SLC33A2: variants seen among roughly 807,000 people sequenced by gnomAD.
The protein encoded by SLC33A2 is solute carrier family 33 member 2.
At chr8:144,510,345 C>A in the SLC33A2 span, 1 of 1,611,066 alleles carries the variant, frequency 6.2e-7, no homozygotes, top group Non-Finnish European at 8.5e-7. Flanking sequence ...GCTCATGCCC[C>A]CCCCACCACC....
At chr8:144,510,647 C>T in the SLC33A2 span, 74 of 1,561,206 alleles carry the variant, frequency 4.7e-5, no homozygotes, top group Non-Finnish European at 6.3e-5. Context: ...CCTCGGGGGC[C>T]TAGCCTGTCA....
chr8:144,509,754 G>A, the SLC33A2 span: 19 of 1,565,234 alleles, frequency 1.2e-5, no homozygotes, highest in South Asian at 3.5e-5. Flanking sequence ...CGTGCAGGTG[G>A]TCGCGTACAA....
chr8:144,510,824 A>C, the SLC33A2 span: 4 of 1,611,262 alleles, frequency 2.5e-6, no homozygotes, highest in Non-Finnish European at 3.4e-6. Context: ...TGTCTGCAGC[A>C]CTTCTTGGGA....
the SLC33A2 span, chr8:144,510,765 T>C: frequency 6.2e-7 from 1 of 1,609,988 alleles, no homozygotes; most frequent in Non-Finnish European, 8.5e-7. Flanking sequence ...GCCAGGAGCC[T>C]GGGGCACTGC....
the SLC33A2 span, chr8:144,510,116 C>T: frequency 1.4e-6 from 2 of 1,407,250 alleles, no homozygotes; most frequent in South Asian, 1.3e-5. Context: ...CACGCTCTTT[C>T]TGGGGTATGA....
chr8:144,509,739 A>G, the SLC33A2 span: 2 of 1,567,954 alleles, frequency 1.3e-6, no homozygotes, highest in Non-Finnish European at 1.7e-6. Flanking sequence ...GGGGCCGGGC[A>G]ATACCGTGCA....
At chr8:144,510,666 T>G in the SLC33A2 span, 1 of 1,559,874 alleles carries the variant, frequency 6.4e-7, no homozygotes, top group Non-Finnish European at 8.7e-7. Flanking sequence ...CAGACTGCCT[T>G]GGTCTTCCAC....
the SLC33A2 span, chr8:144,509,439 T>C: frequency 6.5e-7 from 1 of 1,533,058 alleles, no homozygotes; most frequent in South Asian, 1.2e-5. Flanking sequence ...CGGCGGCCTC[T>C]CGCTGACGCG....
chr8:144,510,347 C>A, the SLC33A2 span: 15 of 1,611,084 alleles, frequency 9.3e-6, no homozygotes, highest in Admixed American at 5.0e-5. Flanking sequence ...TCATGCCCCC[C>A]CCACCACCCA....
At chr8:144,510,908 G>T in the SLC33A2 span, 1 of 1,603,936 alleles carries the variant, frequency 6.2e-7, no homozygotes. Flanking sequence ...CTGCAGGTGA[G>T]TAGATGTAGC....
chr8:144,510,443 G>A, the SLC33A2 span: 1 of 1,612,916 alleles, frequency 6.2e-7, no homozygotes, highest in East Asian at 2.2e-5. Context: ...GTGGAATGGT[G>A]TGGGTGCTGT....
At chr8:144,510,966 T>TGACCGTGACCCC in the SLC33A2 span, 1 of 1,599,320 alleles carries the variant, frequency 6.3e-7, no homozygotes, top group Non-Finnish European at 8.5e-7. Flanking sequence ...GGCCTGACCT[T>TGACCGTGACCCC]GACCGTGACC....
the SLC33A2 span, chr8:144,509,802 C>A: frequency 3.9e-6 from 6 of 1,544,598 alleles, no homozygotes; most frequent in Non-Finnish European, 4.3e-6. Context: ...GCTGCTGGCG[C>A]TGCTGCCCAC....
chr8:144,510,770 C>T, the SLC33A2 span: 14 of 1,610,352 alleles, frequency 8.7e-6, no homozygotes, highest in South Asian at 1.2e-4. Flanking sequence ...GAGCCTGGGG[C>T]ACTGCTGACT....
chr8:144,510,336 C>T, the SLC33A2 span: 1 of 1,610,112 alleles, frequency 6.2e-7, no homozygotes, highest in Admixed American at 1.7e-5. Flanking sequence ...ACCTCCCGTG[C>T]TCATGCCCCC....
At chr8:144,509,829 C>CCT in the SLC33A2 span, 1 of 1,538,210 alleles carries the variant, frequency 6.5e-7, no homozygotes, top group South Asian at 1.2e-5. Flanking sequence ...GTGGCCGCAA[C>CCT]TCTTTCTGCT....
the SLC33A2 span, chr8:144,511,126 G>T: frequency 1.9e-6 from 3 of 1,610,582 alleles, no homozygotes; most frequent in Non-Finnish European, 2.5e-6. Context: ...TGCCTTTCCC[G>T]TTCTGTACCT....
chr8:144,509,493 C>A, the SLC33A2 span: 1 of 1,534,418 alleles, frequency 6.5e-7, no homozygotes. Flanking sequence ...GCTGCTCAAG[C>A]TGGCTTGGGC....
chr8:144,510,823 C>G, the SLC33A2 span: 1 of 1,611,156 alleles, frequency 6.2e-7, no homozygotes, highest in Non-Finnish European at 8.5e-7. Flanking sequence ...ATGTCTGCAG[C>G]ACTTCTTGGG....
Sources: allele counts gnomAD v4.1 joint callset, GRCh38; gene constraint gnomAD v4.1.1; transcripts MANE v1.5; gene names NCBI Gene and HGNC (gene_info 2026-07-23, HGNC 2026-07-21).